REPS1: variants seen among roughly 807,000 people sequenced by gnomAD.
REPS1 encodes RALBP1 associated Eps domain containing 1, also known as ralBP1-associated Eps domain-containing protein 1.
A neutral mutation model predicts 100.9 loss-of-function variants in REPS1; 39 were observed. The observed-to-expected ratio is 0.39, with a 90% CI of 0.30 to 0.50. REPS1 has a LOEUF of 0.50. Among genes scored for constraint, REPS1 ranks in the 20% least tolerant of loss-of-function variants. The pLI, the probability that REPS1 is intolerant of heterozygous loss-of-function variation, is 0.86. For missense variants in REPS1, 821 were observed against 968.5 expected (o/e 0.85, Z 2.02); for synonymous variants, 324 against 340.3 (o/e 0.95, Z 0.53).
intron 1 of REPS1, among the ~76,000 whole-genome samples, chr6:138,980,938 C>T (rs562350791): frequency 6.6e-6 from 1 of 152,184 alleles, no homozygotes; most frequent in African/African-American, 2.4e-5. Flanking sequence ...ATACAAAGAA[C>T]AGCCACAAAG....
chr6:138,947,793 T>C lies in REPS1; in HGVS notation c.274A>G (p.Thr92Ala). 1 of 1,603,714 alleles carries C rather than the reference T, an allele frequency of 6.2e-7. No individual in the cohort carries two copies. Among genetic ancestry groups the C allele is most frequent in the Non-Finnish European group, 8.5e-7 (1 of 1,176,282 alleles). Residue 92 changes from threonine to alanine, a missense_variant, in exon 2 of 20, where the codon ACA (threonine) becomes GCA (alanine). Physicochemically the swap from Thr to Ala is moderately conservative, Grantham distance 58. Transcript: ENST00000450536. ...TACTAGTGTACTCTATATTTACCTG[T>C]ATTTATACTTTCCACTCTTAAAGGG... ...GFPLRVESIN[T>A]VKDLPLPRFV...
At chr6:138,933,858 G>C (rs979866368) in intron 8 of REPS1, among the ~76,000 whole-genome samples, 2 of 151,958 alleles carry the variant, frequency 1.3e-5, no homozygotes, top group African/African-American at 4.8e-5. Context: ...AAGACTCTTG[G>C]GGTCCACAAA....
At chr6:138,982,945 A>G (rs1479378970) in intron 1 of REPS1, among the ~76,000 whole-genome samples, 1 of 152,180 alleles carries the variant, frequency 6.6e-6, no homozygotes, top group Non-Finnish European at 1.5e-5. Flanking sequence ...ACATTAAACT[A>G]CTTACTACGC....
intron 8 of REPS1, among the ~76,000 whole-genome samples, chr6:138,937,373 T>A (rs1362929193): frequency 6.6e-6 from 1 of 152,168 alleles, no homozygotes; most frequent in East Asian, 1.9e-4. Context: ...GTGTAGGTTT[T>A]TATATATATG....
In REPS1 at chr6:138,915,913, G is replaced by C; in HGVS notation, c.1665C>G (p.Pro555=). ...CTAAAGATGATGATCTAGAATGAGA[G>C]GGCTGTGGCCTTGGAGGGGGAGGTG... ...APPPPPPRPQ[P]SHSRSSSLDM... Residue 555 remains proline (P), a synonymous_variant, in exon 14 of 20, where the codon CCC becomes CCG. Transcript: ENST00000450536. The C allele has an allele frequency of 6.2e-7, 1 of 1,614,076 alleles. No individual in the cohort carries two copies. The highest frequency in any genetic ancestry group is 1.7e-5 in the Admixed American group (1 of 60,014).
chr6:138,962,086 T>C (rs998345417), intron 1 of REPS1, among the ~76,000 whole-genome samples: 1 of 152,184 alleles, frequency 6.6e-6, no homozygotes, highest in Non-Finnish European at 1.5e-5. Context: ...TTTTTTAAAA[T>C]ATGCAGACCA....
At chr6:138,905,537 C>A (rs1288006974) in intron 19 of REPS1, among the ~76,000 whole-genome samples, 5 of 151,172 alleles carry the variant, frequency 3.3e-5, no homozygotes, top group Admixed American at 2.0e-4. Flanking sequence ...ATGATCCACC[C>A]GCCTCGGCCT....
chr6:138,916,228 T>C (rs1015814437), intron 13 of REPS1: 22 of 315,894 alleles, frequency 7.0e-5, no homozygotes, highest in African/African-American at 9.5e-5. Flanking sequence ...CTTTTTTTTT[T>C]TTTTTTTTTT....
chr6:138,945,155 A>C, intron 4 of REPS1, 64 bp downstream of exon 4: 1 of 1,401,032 alleles, frequency 7.1e-7, no homozygotes, highest in East Asian at 2.6e-5. Flanking sequence ...GATCATTTGA[A>C]CCCAGGAGTG....
chr6:138,904,854 T>C lies in REPS1; in HGVS notation c.*210A>G, dbSNP rs372422578. On this transcript the variant is annotated 3_prime_UTR_variant, in exon 20 of 20. Coordinates refer to ENST00000450536, the MANE Select transcript of REPS1 (RefSeq NM_001286611.2). ...AAGGTGGGTGTGCCAACAAACACAA[T>C]CTACCCTCCAGAAAACGCCATCCTG... The C allele has an allele frequency of 2.0e-5, 9 of 439,362 alleles. 1 individual carries two copies. Among genetic ancestry groups the C allele is most frequent in the Admixed American group, 3.8e-5 (1 of 26,326 alleles). 27.2% of individuals were successfully genotyped at this position (439,362 alleles called of 1,614,324 possible).
At position 138,934,140 on chromosome 6, in the gene REPS1, C is replaced by T. The variant is rs1254409844; in HGVS notation, c.1136-4042G>A. Reference sequence around the variant, plus strand: ...TTCAACTTTGCTCCAAATAAGTACTCCAACAAAGAGCTTCCTGCCCACCCA... The same window carrying T: ...TTCAACTTTGCTCCAAATAAGTACTTCAACAAAGAGCTTCCTGCCCACCCA... On this transcript the variant is annotated intron_variant, in intron 8 of 19. Transcript: ENST00000450536. 3 of 270,066 alleles carry T rather than the reference C, an allele frequency of 1.1e-5. No individual in the cohort carries two copies. The Admixed American group carries it at 1.3e-4, about 12-fold the overall frequency. The allele number at this position is 270,066 out of a possible 1,614,324, so 16.7% of individuals were successfully genotyped here.
intron 10 of REPS1, among the ~76,000 whole-genome samples, chr6:138,923,109 T>A (rs1780887726): frequency 6.6e-6 from 1 of 152,194 alleles, no homozygotes; most frequent in Non-Finnish European, 1.5e-5. Flanking sequence ...AATATTAACA[T>A]TATAGATGGA....
At chr6:138,923,163 A>T (rs1000446222) in intron 10 of REPS1, among the ~76,000 whole-genome samples, 1 of 152,188 alleles carries the variant, frequency 6.6e-6, no homozygotes, top group African/African-American at 2.4e-5. Context: ...ATTCTCAGGA[A>T]AGTATTTATA....
intron 1 of REPS1, among the ~76,000 whole-genome samples, chr6:138,983,441 C>G (rs530018201): frequency 9.2e-5 from 14 of 151,814 alleles, no homozygotes; most frequent in Non-Finnish European, 1.9e-4. Context: ...GGCAACAGAG[C>G]GAGAGACTGT....
intron 10 of REPS1, among the ~76,000 whole-genome samples, chr6:138,925,020 C>T (rs973973495): frequency 2.0e-5 from 3 of 152,022 alleles, no homozygotes; most frequent in Non-Finnish European, 2.9e-5. Flanking sequence ...GTAACAGCAG[C>T]CTCTAGATTT....
chr6:138,906,829 G>A (rs900208562), intron 19 of REPS1, among the ~76,000 whole-genome samples: 1 of 152,108 alleles, frequency 6.6e-6, no homozygotes, highest in African/African-American at 2.4e-5. Context: ...AAGATTACCT[G>A]TATATGCCTT....
intron 1 of REPS1, among the ~76,000 whole-genome samples, chr6:138,976,469 G>A (rs140758179): frequency 1.3e-5 from 2 of 152,286 alleles, no homozygotes; most frequent in African/African-American, 4.8e-5. Flanking sequence ...ATTCATGATA[G>A]TGACGGTGAT....
At chr6:138,928,629 C>T (rs1037467787) in intron 9 of REPS1, 1 of 152,134 alleles carries the variant, frequency 6.6e-6, no homozygotes, top group African/African-American at 2.4e-5. Flanking sequence ...CTCTAATGAT[C>T]ACATACGATT....
At chr6:138,955,964 T>G (rs17068174) in intron 1 of REPS1, among the ~76,000 whole-genome samples, 13,353 of 152,162 alleles carry the variant, frequency 0.088, 1,231 homozygotes, top group African/African-American at 0.23. Flanking sequence ...TTTACTACCC[T>G]GATCATAGTG....
Sources: gnomAD v4.1 joint callset for allele counts (sites outside exome capture counted in the v4.1 genomes callset) on GRCh38, gnomAD v4.1.1 for gene constraint, MANE v1.5 for transcripts, NCBI Gene and HGNC (gene_info 2026-07-23, HGNC 2026-07-21) for gene names.